Variants in SYK observed in about 807,000 individuals in gnomAD.
SYK encodes tyrosine-protein kinase SYK.
In SYK, 16 loss-of-function variants were observed where a neutral mutation model predicts 77.8. That is an observed-to-expected ratio of 0.21 (90% CI 0.14 to 0.31). The LOEUF (loss-of-function observed/expected upper bound fraction) is 0.31. SYK is among the 10% of genes least tolerant of loss of function. The pLI, the probability that SYK is intolerant of heterozygous loss-of-function variation, is 1.00. For missense variants in SYK, 529 were observed against 814.4 expected (o/e 0.65, Z 4.26); for synonymous variants, 312 against 308.7 (o/e 1.01, Z -0.11).
intron 11 of SYK, among the ~76,000 whole-genome samples, chr9:90,884,364 T>TATAC (rs1828336236): frequency 4.0e-5 from 6 of 148,522 alleles, no homozygotes; most frequent in Non-Finnish European, 6.0e-5. Flanking sequence ...CGTGTATACA[T>TATAC]ACATACACAC....
chr9:90,872,706 T>G (rs767283138), intron 7 of SYK, among the ~76,000 whole-genome samples: 1 of 152,252 alleles, frequency 6.6e-6, no homozygotes, highest in Non-Finnish European at 1.5e-5. Flanking sequence ...AGCTAATTTT[T>G]AAAGCACATT....
chr9:90,894,465 G>A (rs1403392010), intron 13 of SYK, among the ~76,000 whole-genome samples: 1 of 152,182 alleles, frequency 6.6e-6, no homozygotes. Context: ...GATGCCATTT[G>A]ACAAAGCTAC....
At chr9:90,846,059 T>C (rs1480122284) in intron 3 of SYK, among the ~76,000 whole-genome samples, 1 of 152,188 alleles carries the variant, frequency 6.6e-6, no homozygotes, top group Non-Finnish European at 1.5e-5. Flanking sequence ...CCATGAGTGG[T>C]GAGTGCAGGT....
At chr9:90,843,353 C>G in intron 1 of SYK, among the ~76,000 whole-genome samples, 1 of 152,188 alleles carries the variant, frequency 6.6e-6, no homozygotes, top group East Asian at 1.9e-4. Context: ...CTCGAGGCAG[C>G]GTCTCGCAGC....
At chr9:90,884,244 T>TATACAC (rs374921796) in intron 11 of SYK, among the ~76,000 whole-genome samples, 1 of 95,444 alleles carries the variant, frequency 1.0e-5, no homozygotes, top group South Asian at 2.8e-4. Context: ...TACGTGTATA[T>TATACAC]ATACACATAC....
chr9:90,854,994 T>TCACACACACACA (rs1287876789), intron 3 of SYK, among the ~76,000 whole-genome samples: 1 of 96,184 alleles, frequency 1.0e-5, no homozygotes, highest in Admixed American at 1.2e-4. Flanking sequence ...TCTCTCTCTC[T>TCACACACACACA]CACACACACA....
chr9:90,874,268 T>C lies in SYK; in HGVS notation c.980T>C (p.Leu327Pro). Reference sequence around the variant, plus strand: ...TCATTCAATCCGTATGAGCCAGAACTTGCACCCTGGGCTGCAGACAAAGGT... The same window carrying C: ...TCATTCAATCCGTATGAGCCAGAACCTGCACCCTGGGCTGCAGACAAAGGT... ...TVSFNPYEPE[L>P]APWAADKGPQ... The change falls in exon 8 of 14, where the codon CTT becomes CCT. Residue 327 changes from leucine (L) to proline (P), a missense_variant. Coordinates refer to ENST00000375754, the MANE Select transcript of SYK (RefSeq NM_003177.7). 1.9e-6 allele frequency: 3 copies of C among 1,614,202 alleles called. No homozygotes were observed. Among genetic ancestry groups the C allele is most frequent in the Non-Finnish European group, 2.5e-6 (3 of 1,180,024 alleles).
chr9:90,843,211 T>A (rs565465381), intron 1 of SYK, among the ~76,000 whole-genome samples: 1 of 152,158 alleles, frequency 6.6e-6, no homozygotes, highest in Admixed American at 6.5e-5. Context: ...TCTCAGGCAG[T>A]GGCTTGTTGC....
chr9:90,842,482 T>C (rs1007084229), intron 1 of SYK, among the ~76,000 whole-genome samples: 1 of 151,512 alleles, frequency 6.6e-6, no homozygotes, highest in African/African-American at 2.4e-5. Flanking sequence ...GTGTATGTAG[T>C]TTGTGTGTAT....
chr9:90,805,467 C>T (rs1824791036), intron 1 of SYK, among the ~76,000 whole-genome samples: 1 of 152,208 alleles, frequency 6.6e-6, no homozygotes, highest in Non-Finnish European at 1.5e-5. Context: ...GTGAGGGAGG[C>T]TCTCGACCTG....
chr9:90,839,478 C>T (rs1276661917), intron 1 of SYK, among the ~76,000 whole-genome samples: 3 of 152,104 alleles, frequency 2.0e-5, no homozygotes, highest in South Asian at 2.1e-4. Flanking sequence ...GAGGTTGCTC[C>T]GGGTCTGCAG....
At chr9:90,825,766 G>A (rs1226028256) in intron 1 of SYK, among the ~76,000 whole-genome samples, 1 of 152,216 alleles carries the variant, frequency 6.6e-6, no homozygotes, top group African/African-American at 2.4e-5. Context: ...GGAAAAGGAT[G>A]TTATGTGGTT....
chr9:90,866,318 C>T (rs899290800), intron 6 of SYK, among the ~76,000 whole-genome samples: 1 of 152,238 alleles, frequency 6.6e-6, no homozygotes, highest in Non-Finnish European at 1.5e-5. Flanking sequence ...ATCCTGCCTC[C>T]AGTAGGGACA....
chr9:90,855,011 TACAC>T (rs55839931), intron 3 of SYK, among the ~76,000 whole-genome samples: 124 of 143,410 alleles, frequency 8.6e-4, no homozygotes, highest in African/African-American at 2.3e-3. Context: ...CACACATACA[TACAC>T]ACACACACAC....
chr9:90,854,878 C>T (rs991974560), intron 3 of SYK, among the ~76,000 whole-genome samples: 4 of 151,988 alleles, frequency 2.6e-5, no homozygotes, highest in African/African-American at 9.7e-5. Flanking sequence ...AGCCAAGTTC[C>T]AGGTGCAGCA....
intron 1 of SYK, among the ~76,000 whole-genome samples, chr9:90,826,452 G>A (rs927226420): frequency 3.3e-5 from 5 of 152,258 alleles, no homozygotes; most frequent in Admixed American, 1.3e-4. Context: ...TGTGGCTGAA[G>A]TTTATCTTCT....
At chr9:90,871,811 A>C (rs994600016) in intron 7 of SYK, among the ~76,000 whole-genome samples, 1 of 152,140 alleles carries the variant, frequency 6.6e-6, no homozygotes, top group Non-Finnish European at 1.5e-5. Flanking sequence ...GAGAGACATG[A>C]GGGTTCTTTG....
chr9:90,819,227 T>C (rs1162770231), intron 1 of SYK, among the ~76,000 whole-genome samples: 1 of 152,196 alleles, frequency 6.6e-6, no homozygotes, highest in African/African-American at 2.4e-5. Context: ...ATAGCAGTCT[T>C]ATGTGAGATA....
intron 1 of SYK, among the ~76,000 whole-genome samples, chr9:90,805,936 A>T (rs558939487): frequency 1.3e-5 from 2 of 152,338 alleles, no homozygotes; most frequent in South Asian, 4.1e-4. Flanking sequence ...CTGAGAATTC[A>T]GGACTTTGGA....
Sources: allele counts gnomAD v4.1 joint callset (sites outside exome capture counted in the v4.1 genomes callset), GRCh38; gene constraint gnomAD v4.1.1; transcripts MANE v1.5; gene names NCBI Gene and HGNC (gene_info 2026-07-23, HGNC 2026-07-21).